The following MAF variants were observed in gnomAD, a reference collection of about 807,000 sequenced individuals.
MAF encodes transcription factor Maf.
Under a neutral mutation model 22.0 loss-of-function variants are expected in MAF, and 10 were observed. That is an observed-to-expected ratio of 0.45 (90% CI 0.28 to 0.77). MAF has a LOEUF of 0.77. MAF is among the 30% of genes least tolerant of loss of function. The pLI is 0.12. For synonymous variants in MAF, 337 were observed against 255.8 expected (o/e 1.32, Z -3.03); for missense variants, 544 against 548.4 (o/e 0.99, Z 0.08).
At chr16:79,479,865 C>T in the MAF span, among the ~76,000 whole-genome samples, 2 of 152,158 alleles carry the variant, frequency 1.3e-5, no homozygotes, top group Non-Finnish European at 2.9e-5. Context: ...GGTCAAATCA[C>T]AGGGTTAATT....
At chr16:79,401,871 G>C in the MAF span, among the ~76,000 whole-genome samples, 134 of 152,128 alleles carry the variant, frequency 8.8e-4, no homozygotes, top group Non-Finnish European at 1.7e-3. Flanking sequence ...CATTGATGGT[G>C]GTTGGCTGCC....
the MAF span, among the ~76,000 whole-genome samples, chr16:79,369,310 C>T: frequency 1.6e-3 from 247 of 152,242 alleles, 4 homozygotes; most frequent in African/African-American, 5.5e-3. Context: ...GATCCCTGTC[C>T]GCAAGGAACT....
chr16:79,255,687 A>G, the MAF span, among the ~76,000 whole-genome samples: 147 of 152,294 alleles, frequency 9.7e-4, no homozygotes, highest in African/African-American at 3.4e-3. Context: ...AGAGAAGCAG[A>G]CAGTGAGGGA....
rs1913957807 is a variant in MAF, at chr16:79,600,358, G to T, written c.-456C>A. 2 of 198,168 alleles carry T rather than the reference G, an allele frequency of 1.0e-5. No individual in the cohort carries two copies. Among genetic ancestry groups the T allele is most frequent in the Non-Finnish European group, 2.3e-5 (2 of 87,456 alleles). The allele number at this position is 198,168 out of a possible 1,614,324, so 12.3% of individuals were successfully genotyped here. On this transcript the variant is annotated 5_prime_UTR_variant, in exon 1 of 2. Coordinates refer to ENST00000326043, the MANE Select transcript of MAF (RefSeq NM_005360.5). ...CCTCGCCGGCCCGGGCTGCAGGCAG[G>T]GCGCGCGCGGCGTCCGCTCGGGGCT...
the MAF span, among the ~76,000 whole-genome samples, chr16:79,461,286 T>G: frequency 6.6e-6 from 1 of 152,174 alleles, no homozygotes; most frequent in East Asian, 1.9e-4. Context: ...CCTCCAAATT[T>G]CAGTGGGTTA....
chr16:79,368,511 G>A, the MAF span, among the ~76,000 whole-genome samples: 1 of 152,038 alleles, frequency 6.6e-6, no homozygotes, highest in African/African-American at 2.4e-5. Context: ...TTTCACAAAA[G>A]GGACACAGAA....
the MAF span, among the ~76,000 whole-genome samples, chr16:79,297,423 T>C: frequency 6.6e-6 from 1 of 152,130 alleles, no homozygotes; most frequent in South Asian, 2.1e-4. Context: ...GATAAGGAAG[T>C]GCACACGCCT....
the MAF span, among the ~76,000 whole-genome samples, chr16:79,463,208 G>A: frequency 6.6e-6 from 1 of 152,196 alleles, no homozygotes; most frequent in Non-Finnish European, 1.5e-5. Context: ...AAGCAGAAGT[G>A]GTTGCAGATG....
At chr16:79,358,756 T>C in the MAF span, among the ~76,000 whole-genome samples, 14 of 152,196 alleles carry the variant, frequency 9.2e-5, no homozygotes, top group African/African-American at 3.4e-4. Flanking sequence ...ATGAAACAAG[T>C]ATGCCTCTCC....
At chr16:79,467,636 G>A in the MAF span, among the ~76,000 whole-genome samples, 7 of 152,136 alleles carry the variant, frequency 4.6e-5, no homozygotes, top group African/African-American at 1.4e-4. Context: ...ACATTACTTG[G>A]GCCTTGATAG....
At chr16:79,502,953 G>A in the MAF span, among the ~76,000 whole-genome samples, 1 of 151,432 alleles carries the variant, frequency 6.6e-6, no homozygotes, top group Admixed American at 6.6e-5. Context: ...ATATAATTAA[G>A]CCTCAATAAT....
At chr16:79,244,472 A>G in the MAF span, among the ~76,000 whole-genome samples, 2 of 152,020 alleles carry the variant, frequency 1.3e-5, no homozygotes, top group Non-Finnish European at 2.9e-5. Context: ...CACAATTATT[A>G]CAAAGAGAAT....
chr16:79,260,910 A>T, the MAF span, among the ~76,000 whole-genome samples: 1 of 152,180 alleles, frequency 6.6e-6, no homozygotes, highest in East Asian at 1.9e-4. Context: ...AAAATAGCAC[A>T]CCCAAGACAG....
the MAF span, among the ~76,000 whole-genome samples, chr16:79,530,358 C>T: frequency 6.6e-6 from 1 of 152,032 alleles, no homozygotes. Context: ...ACATCAGGGT[C>T]CCAAAGTGCC....
chr16:79,436,222 A>G, the MAF span, among the ~76,000 whole-genome samples: 5 of 152,262 alleles, frequency 3.3e-5, no homozygotes, highest in Non-Finnish European at 2.9e-5. Context: ...AGCTGGGACT[A>G]CAGGTGCTCA....
chr16:79,581,208 C>G (rs1399280129), downstream of MAF, among the ~76,000 whole-genome samples: 1 of 152,116 alleles, frequency 6.6e-6, no homozygotes, highest in Admixed American at 6.5e-5. Flanking sequence ...ACAGAAAATT[C>G]CATTCTGCTA....
chr16:79,480,282 G>A, the MAF span, among the ~76,000 whole-genome samples: 5 of 152,084 alleles, frequency 3.3e-5, 1 homozygote, highest in Middle Eastern at 6.3e-3. Context: ...ATTATTTTCC[G>A]GGTGAAACTG....
chr16:79,543,644 G>T, the MAF span, among the ~76,000 whole-genome samples: 1 of 151,644 alleles, frequency 6.6e-6, no homozygotes, highest in Non-Finnish European at 1.5e-5. Flanking sequence ...GATGTTTACA[G>T]CTGAACAATT....
At chr16:79,399,294 T>G in the MAF span, among the ~76,000 whole-genome samples, 2 of 152,340 alleles carry the variant, frequency 1.3e-5, no homozygotes, top group East Asian at 1.9e-4. Context: ...TGTAAAGTGC[T>G]CATGACAAGA....
Sources: allele counts gnomAD v4.1 joint callset (sites outside exome capture counted in the v4.1 genomes callset), GRCh38; gene constraint gnomAD v4.1.1; transcripts MANE v1.5; gene names NCBI Gene and HGNC (gene_info 2026-07-23, HGNC 2026-07-21).